Variants in THSD7B observed in about 807,000 individuals in gnomAD.
THSD7B encodes the protein thrombospondin type 1 domain containing 7B.
In THSD7B, 138 loss-of-function variants were observed where a neutral mutation model predicts 213.6. The ratio of observed to expected loss-of-function variants is 0.65; its 90% CI spans 0.56 to 0.74. The LOEUF is 0.74. Ranked by LOEUF, THSD7B falls within the 30% of genes least tolerant of loss-of-function variation. The pLI, the probability that THSD7B is intolerant of heterozygous loss-of-function variation, is 0.00. For synonymous variants in THSD7B, 742 were observed against 687.0 expected, an observed-to-expected ratio of 1.08 and a Z score of -1.25; for missense variants, 1,931 against 1,991.5, an observed-to-expected ratio of 0.97 and a Z score of 0.58.
chr2:136,888,935 G>A (rs1683767546), intron 2 of THSD7B, among the ~76,000 whole-genome samples: 2 of 116,220 alleles, frequency 1.7e-5, no homozygotes, highest in Non-Finnish European at 3.8e-5. Flanking sequence ...AAGGGACACT[G>A]TCTTTTGGGG....
chr2:136,853,566 G>A (rs192730252), intron 1 of THSD7B, among the ~76,000 whole-genome samples: 8 of 152,198 alleles, frequency 5.3e-5, no homozygotes, highest in Non-Finnish European at 7.4e-5. Context: ...TGGTCAAGAT[G>A]GTGCCTCTAC....
At chr2:136,872,612 T>C (rs1683451016) in intron 1 of THSD7B, among the ~76,000 whole-genome samples, 1 of 151,518 alleles carries the variant, frequency 6.6e-6, no homozygotes, top group South Asian at 2.1e-4. Flanking sequence ...CCTTTTTCTT[T>C]CTTCTTTCTC....
chr2:137,143,484 G>A (rs953390978), intron 5 of THSD7B, among the ~76,000 whole-genome samples: 1 of 152,136 alleles, frequency 6.6e-6, no homozygotes, highest in African/African-American at 2.4e-5. Context: ...CTCAGCTGGT[G>A]TGTCTTATTT....
chr2:137,613,641 T>C (rs559683194), intron 17 of THSD7B, among the ~76,000 whole-genome samples: 5 of 152,312 alleles, frequency 3.3e-5, no homozygotes, highest in Non-Finnish European at 7.4e-5. Flanking sequence ...TGACTTTTGG[T>C]TAGTTATTCA....
chr2:136,822,647 T>C (rs1682583958), intron 1 of THSD7B, among the ~76,000 whole-genome samples: 2 of 152,234 alleles, frequency 1.3e-5, no homozygotes, highest in South Asian at 4.1e-4. Flanking sequence ...TTATACCCTG[T>C]TTAAAATATG....
chr2:137,237,716 CT>C (rs1480304399), intron 9 of THSD7B, among the ~76,000 whole-genome samples: 1 of 152,122 alleles, frequency 6.6e-6, no homozygotes, highest in African/African-American at 2.4e-5. Context: ...TAGCCAAAGA[CT>C]GTATTTTTGA....
chr2:137,235,053 G>C (rs967939432), intron 9 of THSD7B, among the ~76,000 whole-genome samples: 1 of 152,064 alleles, frequency 6.6e-6, no homozygotes, highest in Non-Finnish European at 1.5e-5. Flanking sequence ...GACAAATATG[G>C]ACAATAACAT....
intron 2 of THSD7B, among the ~76,000 whole-genome samples, chr2:137,050,475 A>G (rs1305993811): frequency 1.3e-5 from 2 of 152,362 alleles, no homozygotes; most frequent in East Asian, 3.9e-4. Context: ...AAATGGATTT[A>G]CAATGTGCTA....
chr2:137,131,968 G>A (rs2104954585), intron 5 of THSD7B, among the ~76,000 whole-genome samples: 1 of 150,752 alleles, frequency 6.6e-6, no homozygotes, highest in South Asian at 2.1e-4. Flanking sequence ...AATTACCTTG[G>A]GCAGTATGGC....
chr2:137,626,955 CTG>C (rs1682643514), intron 20 of THSD7B, among the ~76,000 whole-genome samples: 3 of 152,152 alleles, frequency 2.0e-5, no homozygotes, highest in African/African-American at 7.2e-5. Context: ...ATACCTAAGA[CTG>C]TGTAATTTAT....
chr2:137,218,144 A>C (rs180858812), intron 7 of THSD7B, among the ~76,000 whole-genome samples: 11 of 152,322 alleles, frequency 7.2e-5, no homozygotes, highest in African/African-American at 2.6e-4. Flanking sequence ...TCTTAAGTAG[A>C]CATCCAATAA....
At chr2:137,306,629 G>T (rs760116577) in intron 12 of THSD7B, among the ~76,000 whole-genome samples, 167 of 152,018 alleles carry the variant, frequency 1.1e-3, no homozygotes, top group African/African-American at 3.8e-3. Context: ...TAGTGAAAAA[G>T]AATTATATTT....
At chr2:136,939,730 C>T (rs921267880) in intron 2 of THSD7B, among the ~76,000 whole-genome samples, 11 of 152,200 alleles carry the variant, frequency 7.2e-5, no homozygotes, top group African/African-American at 2.7e-4. Flanking sequence ...CCTCTACACA[C>T]GTTGTTCCCT....
intron 12 of THSD7B, among the ~76,000 whole-genome samples, chr2:137,361,014 G>C (rs756893131): frequency 3.3e-5 from 5 of 152,148 alleles, no homozygotes; most frequent in Admixed American, 3.3e-4. Flanking sequence ...CCAGAGGAAG[G>C]ATCAAGCAGC....
intron 2 of THSD7B, among the ~76,000 whole-genome samples, chr2:136,960,662 T>C (rs972137055): frequency 7.9e-5 from 12 of 152,238 alleles, no homozygotes; most frequent in Admixed American, 4.6e-4. Flanking sequence ...GCCTTCCCTA[T>C]CCAACAAGAT....
chr2:137,442,880 A>G (rs1368178739), intron 14 of THSD7B, among the ~76,000 whole-genome samples: 1 of 152,168 alleles, frequency 6.6e-6, no homozygotes. Flanking sequence ...ATGTAATGAG[A>G]AGACTTCATA....
intron 7 of THSD7B, among the ~76,000 whole-genome samples, chr2:137,209,439 T>C (rs971380620): frequency 6.6e-6 from 1 of 152,112 alleles, no homozygotes; most frequent in Non-Finnish European, 1.5e-5. Flanking sequence ...TTAGTGACTA[T>C]TACAAGGTCC....
chr2:136,907,884 T>C, intron 2 of THSD7B, among the ~76,000 whole-genome samples: 1 of 152,330 alleles, frequency 6.6e-6, no homozygotes, highest in African/African-American at 2.4e-5. Flanking sequence ...CAGTAGGATG[T>C]TGCTTTCAGT....
chr2:137,416,286 T>C (rs2105019545), intron 14 of THSD7B, among the ~76,000 whole-genome samples: 1 of 152,292 alleles, frequency 6.6e-6, no homozygotes, highest in African/African-American at 2.4e-5. Flanking sequence ...TTTCCTGGTC[T>C]CTTTATGTAG....
Sources: allele counts gnomAD v4.1 joint callset (sites outside exome capture counted in the v4.1 genomes callset), GRCh38; gene constraint gnomAD v4.1.1; transcripts MANE v1.5; gene names NCBI Gene and HGNC (gene_info 2026-07-23, HGNC 2026-07-21).